DOCK9: variants seen among roughly 807,000 people sequenced by gnomAD.
The protein encoded by DOCK9 is dedicator of cytokinesis 9, also known as dedicator of cytokinesis protein 9.
A neutral mutation model predicts 263.3 loss-of-function variants in DOCK9; 89 were observed. The ratio of observed to expected loss-of-function variants is 0.34; its 90% CI spans 0.28 to 0.40. DOCK9 has a LOEUF of 0.40. Ranked by LOEUF, DOCK9 falls within the 10% of genes least tolerant of loss-of-function variation. The pLI is 1.00. For missense variants in DOCK9, 2,140 were observed against 2,603.4 expected, an observed-to-expected ratio of 0.82 and a Z score of 3.87; for synonymous variants, 976 against 973.1, an observed-to-expected ratio of 1.00 and a Z score of -0.06.
intron 1 of DOCK9, among the ~76,000 whole-genome samples, chr13:99,008,228 AT>A (rs1883769169): frequency 1.7e-5 from 2 of 118,046 alleles, no homozygotes; most frequent in Non-Finnish European, 1.7e-5. Context: ...ATATATATAT[AT>A]ATATATTTTT....
chr13:98,896,965 CAG>C (rs2047530668), intron 15 of DOCK9, among the ~76,000 whole-genome samples: 1 of 152,164 alleles, frequency 6.6e-6, no homozygotes, highest in African/African-American at 2.4e-5. Flanking sequence ...GGAATTTAGA[CAG>C]AGACACACAG....
chr13:99,082,524 AAAT>A (rs373345877), intron 1 of DOCK9, among the ~76,000 whole-genome samples: 14,865 of 140,622 alleles, frequency 0.11, 1,254 homozygotes, highest in East Asian at 0.44. Flanking sequence ...CATCTCAAAA[AAAT>A]AATAATAATA....
chr13:98,885,432 C>T (rs530103068), intron 20 of DOCK9: 3 of 526,852 alleles, frequency 5.7e-6, no homozygotes, highest in African/African-American at 3.8e-5. Flanking sequence ...GGCGAAATCC[C>T]GTCTCTACAA....
chr13:98,878,350 T>G (rs571750271), intron 27 of DOCK9, among the ~76,000 whole-genome samples: 2 of 152,340 alleles, frequency 1.3e-5, no homozygotes, highest in Non-Finnish European at 2.9e-5. Flanking sequence ...TCTTTACCAG[T>G]TTTAAGTGTA....
At chr13:98,961,031 T>C (rs2058580453) in intron 1 of DOCK9, among the ~76,000 whole-genome samples, 1 of 152,070 alleles carries the variant, frequency 6.6e-6, no homozygotes, top group South Asian at 2.1e-4. Context: ...TGGAACTGAG[T>C]TGAAGCAGCC....
chr13:98,885,603 T>C (rs1250120904), intron 20 of DOCK9, 105 bp downstream of exon 20: 2 of 1,296,306 alleles, frequency 1.5e-6, no homozygotes, highest in African/African-American at 1.5e-5. Flanking sequence ...ATAAAATTCA[T>C]TTAAAGATCC....
rs372159758 is a variant in DOCK9 at position 98,927,457 on chromosome 13, G to A, written c.334-1538C>T. Among the ~76,000 whole-genome samples the A allele has an allele frequency of 2.6e-5, 4 of 152,226 alleles. No homozygotes were observed. In the East Asian group the frequency reaches 5.8e-4, roughly 22 times the overall value. On this transcript the variant is annotated intron_variant, in intron 3 of 52. Transcript: ENST00000682017. ...CTATTCTCTTCAAAGAGCTACAGCG[G>A]TTTTTCAACAAGCTCTAGAACTGAA...
rs1301044358 is a variant in DOCK9, at chr13:98,867,445, C to T, written c.3266G>A (p.Gly1089Asp). The change falls in exon 30 of 53, where the codon GGC becomes GAC. Residue 1089 changes from glycine to aspartate, a missense_variant. Around this residue, in one of 2 missense-constraint regions of DOCK9, gnomAD observed 1,521 missense variants for 1,741.7 expected, o/e 0.87. Transcript: ENST00000682017. ...PLNLPMPFGK[G>D]RIQRYQDLQL... Reference sequence around the variant, plus strand: ...ATTACCTTGGTATCTTTGAATCCTGCCTTTTCCAAATGGCATTGGTAAGTT... The same window carrying T: ...ATTACCTTGGTATCTTTGAATCCTGTCTTTTCCAAATGGCATTGGTAAGTT... 6.2e-7 allele frequency: 1 copy of T among 1,604,854 alleles called. No homozygotes were observed. The highest frequency in any genetic ancestry group is 1.7e-5 in the Admixed American group (1 of 59,332).
At chr13:98,811,385 T>C (rs1211960512) in intron 45 of DOCK9, among the ~76,000 whole-genome samples, 5 of 152,106 alleles carry the variant, frequency 3.3e-5, no homozygotes, top group African/African-American at 9.7e-5. Flanking sequence ...AGATAGGTGA[T>C]TTGTAACTAT....
intron 2 of DOCK9, among the ~76,000 whole-genome samples, chr13:98,946,481 G>A (rs558961058): frequency 1.3e-4 from 20 of 152,110 alleles, no homozygotes; most frequent in African/African-American, 2.7e-4. Context: ...ACAATCTGCC[G>A]CTACACTTCT....
At chr13:99,005,373 TTTC>T (rs1356403517) in intron 1 of DOCK9, among the ~76,000 whole-genome samples, 2 of 152,196 alleles carry the variant, frequency 1.3e-5, no homozygotes, top group African/African-American at 2.4e-5. Context: ...TCTCCCCAAA[TTTC>T]TTGTTTTCAT....
chr13:98,826,026 T>C, intron 44 of DOCK9: 2 of 1,208,150 alleles, frequency 1.7e-6, no homozygotes. Context: ...CCTTTCAAAA[T>C]TTTTCTCTTT....
chr13:99,037,947 C>T (rs1888062093), intron 1 of DOCK9, among the ~76,000 whole-genome samples: 1 of 152,150 alleles, frequency 6.6e-6, no homozygotes. Context: ...GAGGAAAGAA[C>T]AGGAAGGACG....
In DOCK9 at chr13:98,901,909, C is replaced by T. The variant is rs372438146; in HGVS notation, c.1381-9G>A. ...GTGACTGAAAATATTCCCTAGGAGG[C>T]AAACAATTTTCTTCAGTAAGCAGAA... On this transcript the variant is annotated splice_polypyrimidine_tract_variant and intron_variant, in intron 12 of 52. Coordinates refer to ENST00000682017, the MANE Select transcript of DOCK9 (RefSeq NM_001366683.2). The T allele has an allele frequency of 1.4e-4, 219 of 1,610,052 alleles. No individual in the cohort carries two copies. Among genetic ancestry groups the T allele is most frequent in the Non-Finnish European group, 1.8e-4 (215 of 1,178,314 alleles).
At chr13:99,069,464 T>C (rs1003089761) in intron 1 of DOCK9, among the ~76,000 whole-genome samples, 2 of 152,210 alleles carry the variant, frequency 1.3e-5, no homozygotes, top group Non-Finnish European at 2.9e-5. Flanking sequence ...CATAGTCTCC[T>C]ATTATCTGAT....
intron 1 of DOCK9, among the ~76,000 whole-genome samples, chr13:99,011,148 C>T (rs559900887): frequency 9.2e-5 from 14 of 152,118 alleles, no homozygotes; most frequent in African/African-American, 2.7e-4. Flanking sequence ...CCACCCACTT[C>T]GGCCTCCCAA....
chr13:99,083,831 T>TC (rs2042224178), intron 1 of DOCK9, among the ~76,000 whole-genome samples: 1 of 152,214 alleles, frequency 6.6e-6, no homozygotes, highest in Non-Finnish European at 1.5e-5. Flanking sequence ...CTCATGACCA[T>TC]CCACTCATCA....
At chr13:98,899,556 T>C (rs1177836438) in intron 13 of DOCK9, among the ~76,000 whole-genome samples, 1 of 152,116 alleles carries the variant, frequency 6.6e-6, no homozygotes, top group Non-Finnish European at 1.5e-5. Flanking sequence ...TCCAATGAGG[T>C]ATGTTCTTGC....
chr13:98,851,710 T>G (rs746276561), intron 35 of DOCK9, among the ~76,000 whole-genome samples: 1 of 152,238 alleles, frequency 6.6e-6, no homozygotes, highest in Admixed American at 6.5e-5. Context: ...TTTGGTTTTC[T>G]CTGTGTTAAC....
Sources: gnomAD v4.1 joint callset for allele counts (sites outside exome capture counted in the v4.1 genomes callset) on GRCh38, gnomAD v4.1.1 for gene constraint, gnomAD v4.1.1 regional missense constraint, MANE v1.5 for transcripts, NCBI Gene and HGNC (gene_info 2026-07-23, HGNC 2026-07-21) for gene names.